KIRREL3: variants seen among roughly 807,000 people sequenced by gnomAD.
KIRREL3 encodes kin of IRRE-like protein 3.
Under a neutral mutation model 89.7 loss-of-function variants are expected in KIRREL3, and 36 were observed. That is an observed-to-expected ratio of 0.40 (90% CI 0.31 to 0.53). The LOEUF (loss-of-function observed/expected upper bound fraction) is 0.53. KIRREL3 is among the 20% of genes least tolerant of loss of function. The probability of loss-of-function intolerance (pLI) is 0.49; values close to 1 mark genes in which losing one functional copy is unlikely to be tolerated. For synonymous variants in KIRREL3, 445 were observed against 441.4 expected (o/e 1.01, Z -0.10); for missense variants, 864 against 1,056.6 (o/e 0.82, Z 2.53).
At position 126,995,584 on chromosome 11, in the gene KIRREL3, CCCT is replaced by C. The variant is rs979639626; in HGVS notation, c.55+4868_55+4870del. The C allele has an allele frequency of 6.5e-6, 2 of 306,596 alleles. No individual in the cohort carries two copies. Among genetic ancestry groups the C allele is most frequent in the African/African-American group, 4.4e-5 (2 of 45,906 alleles). The allele number at this position is 306,596 out of a possible 1,614,324, so 19.0% of individuals were successfully genotyped here. The stretch of plus-strand genomic sequence containing the variant: ...AAGACCATAAAACCAGTGCTTTTGG[CCCT>C]CCTCCTCACTCCTCCAGTATGGGCA... On this transcript the variant is annotated intron_variant, in intron 1 of 16. Coordinates refer to ENST00000525144, the MANE Select transcript of KIRREL3 (RefSeq NM_032531.4). This position sits in a 1 kb window ranked among gnomAD's most constrained non-coding sequence, Gnocchi z 6.5.
At chr11:126,504,173 A>G (rs538965819) in intron 4 of KIRREL3, among the ~76,000 whole-genome samples, 1 of 151,878 alleles carries the variant, frequency 6.6e-6, no homozygotes, top group Admixed American at 6.6e-5. Flanking sequence ...ATCATCTGTG[A>G]CCCCTCTCTT....
intron 1 of KIRREL3, among the ~76,000 whole-genome samples, chr11:126,713,679 A>G (rs1947847875): frequency 6.6e-6 from 1 of 152,170 alleles, no homozygotes; most frequent in Admixed American, 6.5e-5. Flanking sequence ...GACACAATCA[A>G]CTATGCAATT....
intron 1 of KIRREL3, among the ~76,000 whole-genome samples, chr11:126,698,142 C>T (rs1947172594): frequency 6.6e-6 from 1 of 152,068 alleles, no homozygotes; most frequent in Admixed American, 6.6e-5. Context: ...AATTGTCTGC[C>T]CACACTAATA....
rs1947711506 is a variant in KIRREL3 at position 126,710,420 on chromosome 11, T to C, written c.56-147508A>G. On this transcript the variant is annotated intron_variant, in intron 1 of 16. Coordinates refer to ENST00000525144, the MANE Select transcript of KIRREL3 (RefSeq NM_032531.4). This position sits in a 1 kb window ranked among gnomAD's most constrained non-coding sequence, Gnocchi z 4.2. ...GTTCTGGAAGTACCTGAGTGGGAAG[T>C]AGCTTTAGCTTCCCACGACTGTTCA... Among the ~76,000 whole-genome samples the C allele has an allele frequency of 6.6e-6, 1 of 152,176 alleles. No individual in the cohort carries two copies.
rs967321666 is a variant in KIRREL3 at position 126,978,202 on chromosome 11, G to A, written c.55+22253C>T. Among the ~76,000 whole-genome samples, 1 of 152,148 alleles carries A rather than the reference G, an allele frequency of 6.6e-6. No homozygotes were observed. The highest frequency in any genetic ancestry group is 6.5e-5 in the Admixed American group (1 of 15,278). On this transcript the variant is annotated intron_variant, in intron 1 of 16. Coordinates refer to ENST00000525144, the MANE Select transcript of KIRREL3 (RefSeq NM_032531.4). The surrounding 1 kb of genome is among the most constrained non-coding windows in gnomAD (Gnocchi z 4.2). The stretch of plus-strand genomic sequence containing the variant: ...TAATCAATTATGCGATTCTTTCAGG[G>A]TTGCTTCTGCCCTTCCTCTTCTCCA...
intron 1 of KIRREL3, among the ~76,000 whole-genome samples, chr11:126,573,415 G>A (rs1162605127): frequency 6.6e-6 from 1 of 152,106 alleles, no homozygotes; most frequent in Admixed American, 6.5e-5. Context: ...AGGAACTGGT[G>A]AGATCTCCCC....
rs1949748871 is a variant in KIRREL3, at chr11:126,764,195, A to G, written c.56-201283T>C. Among the ~76,000 whole-genome samples the G allele has an allele frequency of 6.6e-6, 1 of 152,206 alleles. No homozygotes were observed. The highest frequency in any genetic ancestry group is 2.4e-5 in the African/African-American group (1 of 41,448). Reference sequence around the variant, plus strand: ...CACATACCCTGGGGCAAAATGAAACATAACTCAGTTTTTCCTGGAAAGGCA... The same window carrying G: ...CACATACCCTGGGGCAAAATGAAACGTAACTCAGTTTTTCCTGGAAAGGCA... On this transcript the variant is annotated intron_variant, in intron 1 of 16. Transcript: ENST00000525144. The surrounding 1 kb of genome is among the most constrained non-coding windows in gnomAD (Gnocchi z 4.2).
intron 1 of KIRREL3, among the ~76,000 whole-genome samples, chr11:126,671,960 A>G (rs565328864): frequency 1.3e-5 from 2 of 152,248 alleles, no homozygotes; most frequent in African/African-American, 2.4e-5. Flanking sequence ...ACGTGCACAC[A>G]AAAACCTCCA....
chr11:126,908,458 T>C lies in KIRREL3; in HGVS notation c.55+91997A>G, dbSNP rs7952601. On this transcript the variant is annotated intron_variant, in intron 1 of 16. Transcript: ENST00000525144. The surrounding 1 kb of genome is among the most constrained non-coding windows in gnomAD (Gnocchi z 4.2). Reference sequence around the variant, plus strand: ...CTTTAACCTCTCTGTGCTCTGGTTTTCTCATATGCAATGTGGGGACAATAA... The same window carrying C: ...CTTTAACCTCTCTGTGCTCTGGTTTCCTCATATGCAATGTGGGGACAATAA... 0.11 allele frequency among the ~76,000 whole-genome samples: 17,104 copies of C among 152,234 alleles called. 1,137 individuals are homozygous for C. Among genetic ancestry groups the C allele is most frequent in the African/African-American group, 0.19 (8,006 of 41,504 alleles).
chr11:126,521,435 G>T lies in KIRREL3; in HGVS notation c.313C>A (p.His105Asn), dbSNP rs891604951. The change falls in exon 4 of 17, where the codon CAC becomes AAC. Residue 105 changes from histidine to asparagine, a missense_variant. Transcript: ENST00000525144. The surrounding 1 kb of genome is among the most constrained non-coding windows in gnomAD (Gnocchi z 4.1). ...SYPQYLVVGN[H>N]LSGEHHLKIL... is the part of the protein sequence containing the mutation. The stretch of plus-strand genomic sequence containing the variant: ...TTCAGGTGGTGCTCCCCTGACAGGT[G>T]GTTCCCTACCACCAGGTACTGTGGG... 1 of 1,581,180 alleles carries T rather than the reference G, an allele frequency of 6.3e-7. No homozygotes were observed. Among genetic ancestry groups the T allele is most frequent in the Admixed American group, 1.8e-5 (1 of 55,168 alleles).
rs1950353152 is a variant in KIRREL3 at position 126,782,353 on chromosome 11, C to T, written c.55+218102G>A. On this transcript the variant is annotated intron_variant, in intron 1 of 16. Transcript: ENST00000525144. The surrounding 1 kb of genome is among the most constrained non-coding windows in gnomAD (Gnocchi z 4.1). The stretch of plus-strand genomic sequence containing the variant: ...TATTTGTTCCTGCAGCTTTGCCTGG[C>T]TTATTCAGACTAATACAAAGATATA... Among the ~76,000 whole-genome samples the T allele has an allele frequency of 6.6e-6, 1 of 152,136 alleles. No homozygotes were observed. The highest frequency in any genetic ancestry group is 2.1e-4 in the South Asian group (1 of 4,824).
chr11:126,748,668 G>A lies in KIRREL3; in HGVS notation c.56-185756C>T, dbSNP rs905094479. On this transcript the variant is annotated intron_variant, in intron 1 of 16. Coordinates refer to ENST00000525144, the MANE Select transcript of KIRREL3 (RefSeq NM_032531.4). This position sits in a 1 kb window ranked among gnomAD's most constrained non-coding sequence, Gnocchi z 4.6. ...GGGGCAGGAAGGCCAAGGCTGATTC[G>A]GCCTTGGTCTGGCAAGGGAAGCTGC... 5.6e-4 allele frequency among the ~76,000 whole-genome samples: 86 copies of A among 152,230 alleles called. 4 individuals are homozygous for A. Among genetic ancestry groups the A allele is most frequent in the African/African-American group, 5.8e-4 (24 of 41,560 alleles).
In KIRREL3 at chr11:126,807,782, C is replaced by A. The variant is rs556429724; in HGVS notation, c.55+192673G>T. Reference sequence around the variant, plus strand: ...TGGTTGGAGAGTCCTTTAATGGGTGCTGCTGATGGCTATCGCTGATGTAGT... The same window carrying A: ...TGGTTGGAGAGTCCTTTAATGGGTGATGCTGATGGCTATCGCTGATGTAGT... On this transcript the variant is annotated intron_variant, in intron 1 of 16. Transcript: ENST00000525144. The surrounding 1 kb of genome is among the most constrained non-coding windows in gnomAD (Gnocchi z 4.3). 1.4e-4 allele frequency among the ~76,000 whole-genome samples: 21 copies of A among 152,340 alleles called. No individual in the cohort carries two copies. The highest frequency in any genetic ancestry group is 5.1e-4 in the African/African-American group (21 of 41,580).
chr11:126,975,493 G>C (rs1949540338), intron 1 of KIRREL3, among the ~76,000 whole-genome samples: 1 of 152,166 alleles, frequency 6.6e-6, no homozygotes, highest in Admixed American at 6.5e-5. Flanking sequence ...ACAGAAGTGG[G>C]ACTACCAGTA....
chr11:126,840,803 C>T (rs1943941162), intron 1 of KIRREL3, among the ~76,000 whole-genome samples: 2 of 152,160 alleles, frequency 1.3e-5, no homozygotes. Flanking sequence ...ATCACAGTGA[C>T]TGTGATCAAG....
chr11:126,972,801 T>C (rs1239692785), intron 1 of KIRREL3, among the ~76,000 whole-genome samples: 1 of 152,130 alleles, frequency 6.6e-6, no homozygotes, highest in African/African-American at 2.4e-5. Flanking sequence ...CTTCTTTCCT[T>C]ACCTTGATCA....
At chr11:126,634,050 G>A (rs1294122051) in intron 1 of KIRREL3, among the ~76,000 whole-genome samples, 3 of 152,182 alleles carry the variant, frequency 2.0e-5, no homozygotes, top group Non-Finnish European at 4.4e-5. Flanking sequence ...TGCTCTGGGG[G>A]TCAGGTGTGG....
chr11:126,439,727 G>A (rs1955488459), intron 11 of KIRREL3, among the ~76,000 whole-genome samples: 1 of 151,738 alleles, frequency 6.6e-6, no homozygotes, highest in Admixed American at 6.6e-5. Flanking sequence ...GCTGAGGCAT[G>A]AGAATTGCTT....
intron 1 of KIRREL3, among the ~76,000 whole-genome samples, chr11:126,619,981 C>T (rs1161059642): frequency 6.6e-6 from 1 of 152,086 alleles, no homozygotes; most frequent in Admixed American, 6.5e-5. Flanking sequence ...AATCAAACTC[C>T]TTAAAAATCC....
Sources: gnomAD v4.1 joint callset for allele counts (sites outside exome capture counted in the v4.1 genomes callset) on GRCh38, gnomAD v4.1.1 for gene constraint, Gnocchi (gnomAD v3.1) non-coding constraint, MANE v1.5 for transcripts, NCBI Gene and HGNC (gene_info 2026-07-23, HGNC 2026-07-21) for gene names.